The following GTF3C3 variants were observed in gnomAD, a reference collection of about 807,000 sequenced individuals.
GTF3C3 encodes general transcription factor IIIC subunit 3, also known as general transcription factor 3C polypeptide 3.
In GTF3C3, 75 loss-of-function variants were observed where a neutral mutation model predicts 105.2. The ratio of observed to expected loss-of-function variants is 0.71; its 90% CI spans 0.59 to 0.86. GTF3C3 has a LOEUF of 0.86. GTF3C3 is among the 40% of genes least tolerant of loss of function. The probability of loss-of-function intolerance (pLI) is 0.00; values close to 1 mark genes in which losing one functional copy is unlikely to be tolerated. For missense variants in GTF3C3, 856 were observed against 1,076.5 expected, an observed-to-expected ratio of 0.80 and a Z score of 2.87; for synonymous variants, 335 against 370.4, an observed-to-expected ratio of 0.90 and a Z score of 1.10.
At position 196,778,933 on chromosome 2, in the gene GTF3C3, T is replaced by C. The variant is rs751894235; in HGVS notation, c.1353A>G (p.Glu451=). The C allele has an allele frequency of 6.2e-7, 1 of 1,614,044 alleles. No individual in the cohort carries two copies. Among genetic ancestry groups the C allele is most frequent in the South Asian group, 1.1e-5 (1 of 91,076 alleles). The change falls in exon 10 of 18, where the codon GAA becomes GAG. Residue 451 remains glutamate, a synonymous_variant. Transcript: ENST00000263956. ...LPLLSALVCS[E]RYNLAVVWLR... is the part of the protein sequence containing the mutation. ...GCCAAACTACTGCAAGGTTGTATCT[T>C]TCAGAGCAAACAAGAGCACTGAGGA... is the stretch of plus-strand genomic sequence containing the variant.
chr2:196,780,652 A>C lies in GTF3C3; in HGVS notation c.1125T>G (p.Asn375Lys), dbSNP rs149072242. ...GTSEENKAPE[N>K]VTCTIPDGVP... ...CGCCATCAGGTATAGTGCAGGTAAC[A>C]TTCTCAGGAGCTGGAGAATACACAG... is the stretch of plus-strand genomic sequence containing the variant. Residue 375 changes from asparagine (N) to lysine (K), a missense_variant, in exon 9 of 18, where the codon AAT becomes AAG. This residue lies in a region of GTF3C3 where 605 missense variants were observed against 833.6 expected (regional missense o/e 0.73). Transcript: ENST00000263956. 292 of 1,611,774 alleles carry C rather than the reference A, an allele frequency of 1.8e-4. 2 individuals carry two copies. The African/African-American group carries it at 3.5e-3, about 19-fold the overall frequency.
chr2:196,798,005 G>A (rs550360127), intron 1 of GTF3C3, 97 bp from the exon 2 acceptor site: 16 of 738,576 alleles, frequency 2.2e-5, no homozygotes, highest in Non-Finnish European at 3.4e-5. Context: ...TTTGCCACTC[G>A]GGCATTTTGT....
At chr2:196,796,566 T>C (rs1444216414) in intron 2 of GTF3C3, among the ~76,000 whole-genome samples, 2 of 152,172 alleles carry the variant, frequency 1.3e-5, no homozygotes, top group Non-Finnish European at 2.9e-5. Context: ...GTTACATAGG[T>C]CAACATGTAC....
At chr2:196,774,084 C>CT (rs1699222916) in intron 13 of GTF3C3, among the ~76,000 whole-genome samples, 1 of 152,210 alleles carries the variant, frequency 6.6e-6, no homozygotes, top group South Asian at 2.1e-4. Context: ...TCTCAAGTCT[C>CT]TTTAACAACC....
intron 3 of GTF3C3, 114 bp downstream of exon 3, chr2:196,792,842 T>C (rs762699722): frequency 2.9e-6 from 2 of 686,658 alleles, no homozygotes; most frequent in Non-Finnish European, 5.1e-6. Context: ...AATAGTTGTG[T>C]CATAGTATTT....
chr2:196,772,545 T>G (rs1019183494), intron 14 of GTF3C3, among the ~76,000 whole-genome samples: 1 of 151,882 alleles, frequency 6.6e-6, no homozygotes, highest in African/African-American at 2.4e-5. Context: ...CAAAACTCCA[T>G]CTCAAATAAT....
chr2:196,787,556 CA>C (rs1699473120), intron 6 of GTF3C3, among the ~76,000 whole-genome samples: 1 of 152,166 alleles, frequency 6.6e-6, no homozygotes, highest in Non-Finnish European at 1.5e-5. Flanking sequence ...GTACCTACTT[CA>C]GTTCACCTTT....
chr2:196,769,248 C>G (rs903951388), intron 16 of GTF3C3, among the ~76,000 whole-genome samples: 2 of 152,166 alleles, frequency 1.3e-5, no homozygotes, highest in East Asian at 3.8e-4. Context: ...AAGCCCCTTA[C>G]TAGACCCTGC....
chr2:196,781,357 A>AAAAAAAAAAAAAAAT, intron 8 of GTF3C3, among the ~76,000 whole-genome samples: 1 of 18,810 alleles, frequency 5.3e-5, no homozygotes, highest in African/African-American at 1.0e-4. Context: ...AAAAAAAAAA[A>AAAAAAAAAAAAAAAT]ATATATATAT....
chr2:196,791,737 A>C (rs913235039), intron 3 of GTF3C3: 7 of 279,622 alleles, frequency 2.5e-5, no homozygotes, highest in African/African-American at 1.5e-4. Flanking sequence ...GGAGTTGGAG[A>C]CCAGCCTGGC....
At position 196,775,989 on chromosome 2, in the gene GTF3C3, TAAAG is replaced by T. The variant is rs761382578; in HGVS notation, c.1695+17_1695+20del. On this transcript the variant is annotated intron_variant, in intron 12 of 17. Coordinates refer to ENST00000263956, the MANE Select transcript of GTF3C3 (RefSeq NM_012086.5). ...ATTTAAAAAGTCAACAAGGCTAACATAAAGAAAGATCATTACCCACCTTTAAAAG... is the reference window on the plus strand; with the variant it reads ...ATTTAAAAAGTCAACAAGGCTAACATAAAGATCATTACCCACCTTTAAAAG... 181 of 1,142,474 alleles carry T rather than the reference TAAAG, an allele frequency of 1.6e-4. No individual in the cohort carries two copies. Among genetic ancestry groups the T allele is most frequent in the Middle Eastern group, 1.2e-3 (6 of 5,018 alleles). 70.8% of individuals were successfully genotyped at this position (1,142,474 alleles called of 1,614,324 possible). A position where few individuals can be genotyped will look rare whatever the true frequency, so the allele number is the denominator to read the frequency against.
At chr2:196,767,432 G>GTAATCAAATATATTACCAGATAATTAA (rs1446723566) in intron 16 of GTF3C3, among the ~76,000 whole-genome samples, 2 of 151,886 alleles carry the variant, frequency 1.3e-5, no homozygotes, top group Non-Finnish European at 2.9e-5. Context: ...TCCTAATTAA[G>GTAATCAAATATATTACCAGATAATTAA]TAATCAAATA....
chr2:196,779,117 C>T (rs1490727470), intron 9 of GTF3C3, 50 bp from the exon 10 acceptor site: 5 of 1,293,822 alleles, frequency 3.9e-6, no homozygotes, highest in Non-Finnish European at 5.5e-6. Context: ...CAAACGTGCA[C>T]ATCTATCTAT....
At chr2:196,794,177 T>C (rs1576037926) in intron 2 of GTF3C3, among the ~76,000 whole-genome samples, 1 of 152,160 alleles carries the variant, frequency 6.6e-6, no homozygotes, top group Non-Finnish European at 1.5e-5. Context: ...CTACATCGTC[T>C]TGGGACTCTG....
rs769338184 is a variant in GTF3C3 at position 196,771,893 on chromosome 2, A to C, written c.2115T>G (p.Ile705Met). The C allele has an allele frequency of 9.9e-6, 16 of 1,613,644 alleles. No individual in the cohort carries two copies. The highest frequency in any genetic ancestry group is 1.3e-5 in the Non-Finnish European group (15 of 1,179,504). ...GGGAGTGCATGGTAACTTGATTGAA[A>C]ATGTTCCAGAGCTGGGGTTTATTGA... ...ENVNKPQLWN[I>M]FNQVTMHSQD... The change falls in exon 15 of 18, where the codon ATT (isoleucine) becomes ATG (methionine). Residue 705 changes from isoleucine (I) to methionine (M), a missense_variant. Around this residue, in one of 3 missense-constraint regions of GTF3C3, gnomAD observed 605 missense variants for 833.6 expected, o/e 0.73. Coordinates refer to ENST00000263956, the MANE Select transcript of GTF3C3 (RefSeq NM_012086.5).
intron 3 of GTF3C3, chr2:196,791,743 C>A (rs1440455733): frequency 3.7e-6 from 1 of 273,394 alleles, no homozygotes; most frequent in African/African-American, 2.2e-5. Context: ...GGAGACCAGC[C>A]TGGCCAACAG....
chr2:196,775,017 A>G (rs1186622394), intron 13 of GTF3C3, 99 bp downstream of exon 13: 1 of 785,746 alleles, frequency 1.3e-6, no homozygotes, highest in Non-Finnish European at 1.9e-6. Context: ...ATTTTATTTG[A>G]AAAGTATATT....
intron 15 of GTF3C3, among the ~76,000 whole-genome samples, chr2:196,771,004 A>G (rs956705726): frequency 4.6e-5 from 7 of 152,228 alleles, no homozygotes; most frequent in Non-Finnish European, 8.8e-5. Flanking sequence ...TAGTTTACTC[A>G]TAAGAAGTAA....
In GTF3C3 at chr2:196,785,582, G is replaced by T. The variant is rs1278668463; in HGVS notation, c.900C>A (p.Tyr300Ter). 2 of 1,595,096 alleles carry T rather than the reference G, an allele frequency of 1.3e-6. No homozygotes were observed. Among genetic ancestry groups the T allele is most frequent in the Non-Finnish European group, 8.6e-7 (1 of 1,168,506 alleles). Residue 300 changes from tyrosine (Y) to a stop codon, truncating the protein, a stop_gained, in exon 7 of 18, where the codon TAC becomes TAA. Coordinates refer to ENST00000263956, the MANE Select transcript of GTF3C3 (RefSeq NM_012086.5). LOFTEE classifies it high-confidence loss of function. ...CAGAAGTAACATCATTGGCTTCATA[G>T]TAACTCCTAAAAAAAAGTGGCAAAA... ...MQLARDMAKS[Y>*]YEANDVTSAI...
Sources: allele counts gnomAD v4.1 joint callset (sites outside exome capture counted in the v4.1 genomes callset), GRCh38; gene constraint gnomAD v4.1.1; regional missense constraint gnomAD v4.1.1; transcripts MANE v1.5; gene names NCBI Gene and HGNC (gene_info 2026-07-23, HGNC 2026-07-21).